Variants in RASAL2 observed in about 807,000 individuals in gnomAD.
RASAL2 encodes the protein ras GTPase-activating protein nGAP.
Under a neutral mutation model 128.9 loss-of-function variants are expected in RASAL2, and 58 were observed. The observed-to-expected ratio is 0.45, with a 90% confidence interval of 0.36 to 0.56. The LOEUF (loss-of-function observed/expected upper bound fraction) is 0.56. Among genes scored for constraint, RASAL2 ranks in the 20% least tolerant of loss-of-function variants. The pLI is 0.00. For synonymous variants in RASAL2, 561 were observed against 580.8 expected, an observed-to-expected ratio of 0.97 and a Z score of 0.49; for missense variants, 1,360 against 1,601.6, an observed-to-expected ratio of 0.85 and a Z score of 2.57.
At chr1:178,340,012 T>G (rs533625018) in intron 3 of RASAL2, among the ~76,000 whole-genome samples, 142 of 152,308 alleles carry the variant, frequency 9.3e-4, no homozygotes, top group African/African-American at 3.4e-3. Context: ...TACCAACTTA[T>G]GAAACCATGG....
chr1:178,389,983 G>A, intron 3 of RASAL2, 117 bp from the exon 4 acceptor site: 1 of 654,668 alleles, frequency 1.5e-6, no homozygotes, highest in Middle Eastern at 3.8e-4. Flanking sequence ...GAGATAGAAT[G>A]TAATATACCT....
intron 4 of RASAL2, among the ~76,000 whole-genome samples, chr1:178,397,052 T>C (rs1338814324): frequency 1.3e-5 from 2 of 152,176 alleles, no homozygotes; most frequent in East Asian, 3.8e-4. Context: ...TGTAAAATGG[T>C]GTGGCCACTT....
intron 2 of RASAL2, among the ~76,000 whole-genome samples, chr1:178,288,296 T>C (rs1193239023): frequency 1.3e-5 from 2 of 152,232 alleles, no homozygotes; most frequent in Non-Finnish European, 2.9e-5. Flanking sequence ...TTTTCATACC[T>C]TCTCCTGTTT....
At position 178,294,832 on chromosome 1, in the gene RASAL2, G is replaced by A. The variant is rs537892376; in HGVS notation, c.331-5160G>A. ...ACAGAACAGAATTTTGCATCTGAAAGGGCTGGAACCTGCTGGGTAGGATAC... is the reference window on the plus strand; with the variant it reads ...ACAGAACAGAATTTTGCATCTGAAAAGGCTGGAACCTGCTGGGTAGGATAC... On this transcript the variant is annotated intron_variant, in intron 2 of 17. Transcript: ENST00000367649. 2.6e-4 allele frequency among the ~76,000 whole-genome samples: 40 copies of A among 152,328 alleles called. No individual in the cohort carries two copies. The East Asian group carries it at 7.7e-3, about 29-fold the overall frequency.
chr1:178,306,590 C>T (rs2102288407), intron 3 of RASAL2, among the ~76,000 whole-genome samples: 1 of 151,920 alleles, frequency 6.6e-6, no homozygotes, highest in East Asian at 1.9e-4. Flanking sequence ...GATTGCCATT[C>T]TAACTGGTGT....
chr1:178,341,678 A>G (rs1669890655), intron 3 of RASAL2: 1 of 1,602,316 alleles, frequency 6.2e-7, no homozygotes, highest in Non-Finnish European at 8.5e-7. Flanking sequence ...CTTTTTAAAA[A>G]TTACACAAAT....
intron 3 of RASAL2, among the ~76,000 whole-genome samples, chr1:178,370,092 A>G (rs1671616452): frequency 6.6e-6 from 1 of 152,220 alleles, no homozygotes; most frequent in South Asian, 2.1e-4. Context: ...TTGAGCTTCT[A>G]CTGTGTGTCA....
intron 1 of RASAL2, among the ~76,000 whole-genome samples, chr1:178,137,560 G>C (rs531632288): frequency 1.1e-4 from 17 of 152,298 alleles, no homozygotes; most frequent in African/African-American, 3.8e-4. Context: ...GCTAAGAGAA[G>C]TCTATTGCCT....
intron 3 of RASAL2, among the ~76,000 whole-genome samples, chr1:178,348,902 C>A (rs1381597020): frequency 1.3e-5 from 2 of 151,088 alleles, no homozygotes; most frequent in Non-Finnish European, 3.0e-5. Flanking sequence ...TGGGTTCATG[C>A]CATTCTCCTG....
intron 3 of RASAL2, among the ~76,000 whole-genome samples, chr1:178,351,520 A>T (rs967934137): frequency 2.0e-5 from 3 of 152,144 alleles, no homozygotes; most frequent in Admixed American, 2.0e-4. Flanking sequence ...TCACGAGGTC[A>T]GGAGATCAAG....
chr1:178,477,571 G>A lies in RASAL2; in HGVS notation c.*4332G>A, dbSNP rs149396359. The A allele has an allele frequency of 2.6e-5, 4 of 152,270 alleles. No homozygotes were observed. Among genetic ancestry groups the A allele is most frequent in the Non-Finnish European group, 5.9e-5 (4 of 68,016 alleles). The allele number at this position is 152,270 out of a possible 1,614,324, so 9.4% of individuals were successfully genotyped here. The stretch of plus-strand genomic sequence containing the variant: ...TAAGCAGTCTTCTCAGTAGCCCAGA[G>A]TTTCCAGGAAACAGGAATATTTATA... On this transcript the variant is annotated 3_prime_UTR_variant, in exon 18 of 18. Transcript: ENST00000367649.
intron 3 of RASAL2, among the ~76,000 whole-genome samples, chr1:178,352,472 T>C (rs541937539): frequency 6.6e-6 from 1 of 152,314 alleles, no homozygotes; most frequent in African/African-American, 2.4e-5. Flanking sequence ...AATCCATTCC[T>C]GTGGGCCTTT....
At chr1:178,319,494 T>A (rs1369100974) in intron 3 of RASAL2, among the ~76,000 whole-genome samples, 1 of 150,568 alleles carries the variant, frequency 6.6e-6, no homozygotes, top group Non-Finnish European at 1.5e-5. Flanking sequence ...TGCTCATTTC[T>A]TTTTATTCTT....
chr1:178,104,911 T>A (rs1659033228), intron 1 of RASAL2, among the ~76,000 whole-genome samples: 1 of 152,240 alleles, frequency 6.6e-6, no homozygotes, highest in East Asian at 1.9e-4. Flanking sequence ...ACTTGTATTA[T>A]GTCAGACCCT....
chr1:178,313,117 C>T lies in RASAL2; in HGVS notation c.457+12999C>T, dbSNP rs148720235. ...TATGCTACAGTCTACATAGGATTTA[C>T]TCTGTGGCTGGAGTCTAAATAACGT... On this transcript the variant is annotated intron_variant, in intron 3 of 17. Coordinates refer to ENST00000367649, the MANE Select transcript of RASAL2 (RefSeq NM_170692.4). 5.1e-3 allele frequency among the ~76,000 whole-genome samples: 772 copies of T among 152,288 alleles called. 29 individuals carry two copies. Among genetic ancestry groups the T allele is most frequent in the Admixed American group, 0.047 (718 of 15,300 alleles).
intron 12 of RASAL2, chr1:178,456,488 CCTTT>C (rs1476330733): frequency 3.3e-6 from 2 of 608,734 alleles, no homozygotes; most frequent in African/African-American, 1.8e-5. Context: ...ATTTCGATTT[CCTTT>C]CTTTCCTCGA....
At chr1:178,385,692 C>T (rs1672524509) in intron 3 of RASAL2, among the ~76,000 whole-genome samples, 1 of 152,070 alleles carries the variant, frequency 6.6e-6, no homozygotes, top group East Asian at 1.9e-4. Context: ...CTGTCACTGT[C>T]CTTATATTGG....
chr1:178,224,700 A>G (rs934112823), intron 1 of RASAL2, among the ~76,000 whole-genome samples: 4 of 152,118 alleles, frequency 2.6e-5, no homozygotes, highest in Admixed American at 6.6e-5. Context: ...CATGTATTCT[A>G]ATACAAAAGA....
chr1:178,469,409 A>C (rs1648057475), intron 17 of RASAL2, among the ~76,000 whole-genome samples: 1 of 151,888 alleles, frequency 6.6e-6, no homozygotes, highest in Non-Finnish European at 1.5e-5. Context: ...TTTCTACCCC[A>C]CCCCCTAATT....
Sources: gnomAD v4.1 joint callset for allele counts (sites outside exome capture counted in the v4.1 genomes callset) on GRCh38, gnomAD v4.1.1 for gene constraint, MANE v1.5 for transcripts, NCBI Gene and HGNC (gene_info 2026-07-23, HGNC 2026-07-21) for gene names.